Variants in VPS26C observed in about 807,000 individuals in gnomAD.
VPS26C encodes the protein VPS26 endosomal protein sorting factor C.
Under a neutral mutation model 30.6 loss-of-function variants are expected in VPS26C, and 19 were observed. The observed-to-expected ratio is 0.62, with a 90% CI of 0.43 to 0.91. The LOEUF is 0.91. VPS26C is among the 40% of genes least tolerant of loss of function. VPS26C has a pLI of 0.00. For missense variants in VPS26C, 318 were observed against 385.1 expected (o/e 0.83, Z 1.46); for synonymous variants, 132 against 151.5 (o/e 0.87, Z 0.95).
Position 37,267,328 on chromosome 21 carries a change from T to G in VPS26C, c.-34A>C. Reference sequence around the variant, plus strand: ...CTCCGCAGCAGCCGCCACTTCCGGCTGCGCGTGACCCCAGGGAAACAAGGG... The same window carrying G: ...CTCCGCAGCAGCCGCCACTTCCGGCGGCGCGTGACCCCAGGGAAACAAGGG... On this transcript the variant is annotated 5_prime_UTR_variant, in exon 1 of 8. Coordinates refer to ENST00000309117, the MANE Select transcript of VPS26C (RefSeq NM_006052.2). The G allele has an allele frequency of 1.2e-6, 2 of 1,603,428 alleles. No homozygotes were observed. Among genetic ancestry groups the G allele is most frequent in the East Asian group, 2.2e-5 (1 of 44,718 alleles).
At chr21:37,241,034 A>G (rs1171791451) in intron 1 of VPS26C, among the ~76,000 whole-genome samples, 1 of 152,268 alleles carries the variant, frequency 6.6e-6, no homozygotes, top group African/African-American at 2.4e-5. Flanking sequence ...CAAAAGGAAC[A>G]GAAGAAAATA....
At chr21:37,260,147 A>G (rs1185079069) in intron 1 of VPS26C, among the ~76,000 whole-genome samples, 1 of 152,196 alleles carries the variant, frequency 6.6e-6, no homozygotes, top group African/African-American at 2.4e-5. Context: ...ATGTCCCTGA[A>G]TTCTCTGGGC....
At chr21:37,227,849 G>C in intron 6 of VPS26C, 43 bp from the exon 7 acceptor site, 1 of 1,457,514 alleles carries the variant, frequency 6.9e-7, no homozygotes, top group East Asian at 2.5e-5. Flanking sequence ...GCCAGCAGAG[G>C]CTGCGGGGTC....
At chr21:37,243,270 C>T (rs1458439809) in intron 1 of VPS26C, among the ~76,000 whole-genome samples, 2 of 152,138 alleles carry the variant, frequency 1.3e-5, no homozygotes, top group Admixed American at 1.3e-4. Flanking sequence ...AAGCAGAGGC[C>T]TTCAACTGGG....
At chr21:37,229,747 G>C (rs2085942301) in intron 5 of VPS26C, among the ~76,000 whole-genome samples, 1 of 152,190 alleles carries the variant, frequency 6.6e-6, no homozygotes, top group South Asian at 2.1e-4. Flanking sequence ...ATGGTGATGT[G>C]TGGCTGGTGG....
At chr21:37,265,910 C>CTTTTTTTTTTTT (rs59649054) in intron 1 of VPS26C, among the ~76,000 whole-genome samples, 1 of 77,224 alleles carries the variant, frequency 1.3e-5, no homozygotes, top group Non-Finnish European at 2.3e-5. Context: ...AGCTTTTTCT[C>CTTTTTTTTTTTT]TTTTTTTTTT....
chr21:37,242,865 C>A (rs2086101541), intron 1 of VPS26C, among the ~76,000 whole-genome samples: 1 of 152,136 alleles, frequency 6.6e-6, no homozygotes, highest in Non-Finnish European at 1.5e-5. Flanking sequence ...AAAGTAGTGA[C>A]ATACCTCGGA....
chr21:37,238,504 TG>T lies in VPS26C; in HGVS notation c.306del (p.Asn102LysfsTer23). The T allele has an allele frequency of 1.2e-6, 2 of 1,614,190 alleles. No homozygotes were observed. The highest frequency in any genetic ancestry group is 1.7e-6 in the Non-Finnish European group (2 of 1,180,036). On this transcript the variant is annotated frameshift_variant, in exon 3 of 8. Transcript: ENST00000309117. LOFTEE classifies it high-confidence loss of function. ...CCATGATACGTCTCATACAGAACTT[TG>T]TTACCCTTCAAGTGCAGAGGAAATT... is the stretch of plus-strand genomic sequence containing the variant. ...PFEFPLHLKG[N>X]KVLYETYHGV...
intron 7 of VPS26C, 23 bp from the exon 8 acceptor site, chr21:37,225,649 G>T (rs1244932804): frequency 6.3e-7 from 1 of 1,599,152 alleles, no homozygotes. Context: ...GAGAGGGTGG[G>T]TTTGTGCTCA....
At chr21:37,243,363 T>C (rs1239097920) in intron 1 of VPS26C, among the ~76,000 whole-genome samples, 1 of 152,114 alleles carries the variant, frequency 6.6e-6, no homozygotes, top group East Asian at 1.9e-4. Flanking sequence ...AGGGTGCTAC[T>C]GTTTTGGGAG....
At position 37,225,463 on chromosome 21, in the gene VPS26C, G is replaced by A; in HGVS notation, c.*81C>T. 1 of 1,183,946 alleles carries A rather than the reference G, an allele frequency of 8.4e-7. No homozygotes were observed. Among genetic ancestry groups the A allele is most frequent in the Non-Finnish European group, 1.3e-6 (1 of 791,518 alleles). 73.3% of individuals were successfully genotyped at this position (1,183,946 alleles called of 1,614,324 possible). A position where few individuals can be genotyped will look rare whatever the true frequency, so the allele number is the denominator to read the frequency against. On this transcript the variant is annotated 3_prime_UTR_variant, in exon 8 of 8. Coordinates refer to ENST00000309117, the MANE Select transcript of VPS26C (RefSeq NM_006052.2). ...TCACAAAAACAAGTATATGCCGCTG[G>A]CTGTAGCTCCCCTTAGGATTTGGAT...
chr21:37,259,827 C>T (rs191788697), intron 1 of VPS26C, among the ~76,000 whole-genome samples: 1 of 152,198 alleles, frequency 6.6e-6, no homozygotes, highest in Non-Finnish European at 1.5e-5. Context: ...CTCATTATGC[C>T]ATTTGGAGGG....
intron 1 of VPS26C, among the ~76,000 whole-genome samples, chr21:37,243,799 T>C (rs1438823438): frequency 6.6e-6 from 1 of 152,172 alleles, no homozygotes; most frequent in East Asian, 1.9e-4. Flanking sequence ...TGTAAGCCTA[T>C]GAGAATTCCT....
chr21:37,230,686 T>C (rs2085952232), intron 5 of VPS26C: 1 of 152,322 alleles, frequency 6.6e-6, no homozygotes, highest in African/African-American at 2.4e-5. Flanking sequence ...AGTGAAGTGT[T>C]TCTGTCCGGC....
intron 1 of VPS26C, among the ~76,000 whole-genome samples, chr21:37,262,617 T>C (rs1292009654): frequency 6.6e-6 from 1 of 152,126 alleles, no homozygotes; most frequent in African/African-American, 2.4e-5. Context: ...AAGATAAAGG[T>C]ACATTATTAA....
intron 1 of VPS26C, among the ~76,000 whole-genome samples, chr21:37,254,013 G>T (rs1290743320): frequency 6.6e-6 from 1 of 152,194 alleles, no homozygotes; most frequent in African/African-American, 2.4e-5. Flanking sequence ...ACTGGCATAA[G>T]TGCATGTAAA....
intron 1 of VPS26C, among the ~76,000 whole-genome samples, chr21:37,265,910 CTTTTTTT>C (rs59649054): frequency 2.5e-4 from 19 of 77,240 alleles, no homozygotes; most frequent in South Asian, 1.0e-3. Flanking sequence ...AGCTTTTTCT[CTTTTTTT>C]TTTTTTTTTT....
intron 5 of VPS26C, chr21:37,228,575 ATG>A (rs2085929421): frequency 3.7e-6 from 2 of 547,032 alleles, no homozygotes; most frequent in Admixed American, 6.2e-5. Flanking sequence ...CTCTCTACAT[ATG>A]GCACCTGACT....
At chr21:37,267,671 G>T (rs2086384628), upstream of VPS26C, 2 of 294,798 alleles carry the variant, frequency 6.8e-6, no homozygotes, top group East Asian at 1.8e-4. Context: ...CCCGCGGCTG[G>T]AGGCGGAGCC....
Sources: allele counts gnomAD v4.1 joint callset (sites outside exome capture counted in the v4.1 genomes callset), GRCh38; gene constraint gnomAD v4.1.1; transcripts MANE v1.5; gene names NCBI Gene and HGNC (gene_info 2026-07-23, HGNC 2026-07-21).